Variants in GPHN observed in about 807,000 individuals in gnomAD.
The protein encoded by GPHN is gephyrin.
GPHN carries 17 observed loss-of-function variants against 95.5 expected under a neutral mutation model. The ratio of observed to expected loss-of-function variants is 0.18; its 90% CI spans 0.12 to 0.27. The LOEUF (loss-of-function observed/expected upper bound fraction) is 0.27, where lower values mean the gene tolerates loss of function less well. Among genes scored for constraint, GPHN ranks in the 10% least tolerant of loss-of-function variants. The pLI is 1.00. For synonymous variants in GPHN, 320 were observed against 322.5 expected (o/e 0.99, Z 0.08); for missense variants, 660 against 978.1 (o/e 0.67, Z 4.34).
At chr14:66,608,659 T>C (rs1216114269) in intron 1 of GPHN, among the ~76,000 whole-genome samples, 1 of 152,158 alleles carries the variant, frequency 6.6e-6, no homozygotes, top group Non-Finnish European at 1.5e-5. Flanking sequence ...TTTATGAATC[T>C]GGATGCTCCA....
chr14:66,773,189 A>T (rs974923740), intron 2 of GPHN, among the ~76,000 whole-genome samples: 1 of 152,188 alleles, frequency 6.6e-6, no homozygotes, highest in Admixed American at 6.5e-5. Flanking sequence ...TATGTCAGGA[A>T]AAAGATGGCA....
chr14:66,762,843 TTAACCTCAC>T (rs1382787402), intron 2 of GPHN, among the ~76,000 whole-genome samples: 1 of 152,214 alleles, frequency 6.6e-6, no homozygotes, highest in African/African-American at 2.4e-5. Flanking sequence ...AGGTACCCAT[TTAACCTCAC>T]TAAGGATGAC....
intron 1 of GPHN, among the ~76,000 whole-genome samples, chr14:66,554,425 A>C (rs2059932977): frequency 6.6e-6 from 1 of 152,230 alleles, no homozygotes; most frequent in Non-Finnish European, 1.5e-5. Flanking sequence ...TAATTGACTC[A>C]CAGTTGCACA....
the GPHN span, among the ~76,000 whole-genome samples, chr14:67,322,629 C>T: frequency 1.3e-5 from 2 of 152,032 alleles, no homozygotes; most frequent in Admixed American, 1.3e-4. Flanking sequence ...TCTACTATTT[C>T]AATTATAAAT....
the GPHN span, chr14:67,734,096 G>C: frequency 5.2e-6 from 2 of 387,198 alleles, no homozygotes; most frequent in South Asian, 2.1e-5. Context: ...CAACCCTCTG[G>C]GGGCAGCAGG....
chr14:66,926,940 A>G (rs1032582108), intron 8 of GPHN, among the ~76,000 whole-genome samples: 2 of 152,184 alleles, frequency 1.3e-5, no homozygotes, highest in Non-Finnish European at 2.9e-5. Flanking sequence ...TTTATACTTC[A>G]TCATAGAAAT....
chr14:66,837,501 G>A (rs1036914119), intron 4 of GPHN, among the ~76,000 whole-genome samples: 3 of 148,554 alleles, frequency 2.0e-5, no homozygotes, highest in Non-Finnish European at 3.0e-5. Flanking sequence ...GCTAGATGAC[G>A]AGTTAGTGGG....
chr14:67,614,510 ATC>A, the GPHN span, among the ~76,000 whole-genome samples: 1 of 151,820 alleles, frequency 6.6e-6, no homozygotes, highest in African/African-American at 2.4e-5. Flanking sequence ...CATGCCTGTA[ATC>A]TCAGTTTTGG....
chr14:67,557,301 CAATCT>C, the GPHN span: 1 of 1,613,572 alleles, frequency 6.2e-7, no homozygotes, highest in Non-Finnish European at 8.5e-7. Context: ...TAAAACTATC[CAATCT>C]GAAGAATGTG....
At chr14:67,499,925 T>G in the GPHN span, among the ~76,000 whole-genome samples, 1 of 152,214 alleles carries the variant, frequency 6.6e-6, no homozygotes, top group East Asian at 1.9e-4. Context: ...GGGCTGCGGA[T>G]TAAGGAGGGG....
intron 12 of GPHN, among the ~76,000 whole-genome samples, chr14:67,092,230 T>G (rs912955546): frequency 6.6e-6 from 1 of 152,166 alleles, no homozygotes; most frequent in African/African-American, 2.4e-5. Flanking sequence ...AAGATGATTT[T>G]CATTTCTTTA....
chr14:67,692,002 T>C, the GPHN span: 1 of 155,664 alleles, frequency 6.4e-6, no homozygotes, highest in Non-Finnish European at 1.4e-5. Context: ...TTCTTTGTCA[T>C]GTCTCTGAGC....
chr14:67,045,757 GTCTC>G (rs1034886343), intron 10 of GPHN, among the ~76,000 whole-genome samples: 10 of 147,286 alleles, frequency 6.8e-5, no homozygotes, highest in South Asian at 2.2e-4. Context: ...CTCTGTCTCT[GTCTC>G]TCTTTCTCTG....
chr14:67,128,419 G>A (rs767644322), intron 17 of GPHN, among the ~76,000 whole-genome samples: 2 of 152,088 alleles, frequency 1.3e-5, no homozygotes, highest in Admixed American at 6.5e-5. Context: ...ACCGTGCCCG[G>A]CTGCTGTTTC....
intron 9 of GPHN, among the ~76,000 whole-genome samples, chr14:66,983,817 A>G (rs2070842919): frequency 6.6e-6 from 1 of 152,176 alleles, no homozygotes; most frequent in African/African-American, 2.4e-5. Context: ...GTAACGTAAA[A>G]TTTCTTCCAC....
chr14:67,417,939 T>G, the GPHN span, among the ~76,000 whole-genome samples: 3 of 151,826 alleles, frequency 2.0e-5, no homozygotes, highest in Non-Finnish European at 4.4e-5. Context: ...GAGACAGAGG[T>G]CTCCCTGTGT....
chr14:66,654,609 T>G (rs980916477), intron 1 of GPHN, among the ~76,000 whole-genome samples: 5 of 152,166 alleles, frequency 3.3e-5, no homozygotes, highest in Admixed American at 3.3e-4. Context: ...AGCCTCTTCT[T>G]TCACTTTCTT....
chr14:67,250,919 C>T, the GPHN span, among the ~76,000 whole-genome samples: 3 of 152,160 alleles, frequency 2.0e-5, no homozygotes, highest in Non-Finnish European at 4.4e-5. Flanking sequence ...GTATCCCTCG[C>T]TGTGTCTCTT....
chr14:67,505,263 T>G, the GPHN span, among the ~76,000 whole-genome samples: 50 of 152,242 alleles, frequency 3.3e-4, no homozygotes, highest in African/African-American at 1.2e-3. Context: ...TTGCTGTTAG[T>G]GTGCTGTGAT....
Sources: allele counts gnomAD v4.1 joint callset (sites outside exome capture counted in the v4.1 genomes callset), GRCh38; gene constraint gnomAD v4.1.1; transcripts MANE v1.5; gene names NCBI Gene and HGNC (gene_info 2026-07-23, HGNC 2026-07-21).